Variants in CAPN13 observed in about 807,000 individuals in gnomAD.
The protein encoded by CAPN13 is calpain 13.
CAPN13 carries 90 observed loss-of-function variants against 98.4 expected under a neutral mutation model. The observed-to-expected ratio is 0.92, with a 90% CI of 0.77 to 1.09. The LOEUF (loss-of-function observed/expected upper bound fraction) is 1.09. Ranked by LOEUF, CAPN13 falls within the 50% of genes least tolerant of loss-of-function variation. The probability of loss-of-function intolerance (pLI) is 0.00; values close to 1 mark genes in which losing one functional copy is unlikely to be tolerated. For synonymous variants in CAPN13, 330 were observed against 305.5 expected (o/e 1.08, Z -0.84); for missense variants, 887 against 841.3 (o/e 1.05, Z -0.67).
intron 11 of CAPN13, among the ~76,000 whole-genome samples, chr2:30,749,915 G>T (rs1385823495): frequency 1.3e-5 from 2 of 152,002 alleles, no homozygotes; most frequent in African/African-American, 4.8e-5. Flanking sequence ...TCTTTTAAAT[G>T]ATATTTAAAA....
chr2:30,745,627 A>T, intron 12 of CAPN13, 96 bp downstream of exon 12: 1 of 1,259,350 alleles, frequency 7.9e-7, no homozygotes, highest in Non-Finnish European at 1.1e-6. Flanking sequence ...ATTTGCAGCC[A>T]CTGAACACGT....
chr2:30,804,525 G>A (rs552390735), intron 1 of CAPN13, among the ~76,000 whole-genome samples: 6 of 152,258 alleles, frequency 3.9e-5, no homozygotes, highest in East Asian at 1.9e-4. Flanking sequence ...ATAACTCTCT[G>A]AGGAGGGAAG....
chr2:30,728,021 C>T (rs968505007), intron 22 of CAPN13, among the ~76,000 whole-genome samples: 5 of 151,810 alleles, frequency 3.3e-5, no homozygotes, highest in African/African-American at 1.2e-4. Context: ...TGAATCCTGA[C>T]AGCATTACGC....
Position 30,790,078 on chromosome 2 carries a change from G to A in CAPN13, c.-32-2721C>T, listed in dbSNP as rs139173298. On this transcript the variant is annotated intron_variant, in intron 1 of 22. Coordinates refer to ENST00000295055, the MANE Select transcript of CAPN13 (RefSeq NM_144575.3). ...AAGCAGGCAGGGGAAGCTTGTTCCC[G>A]CCTCCACACACATAGTTCTTTCCTC... Among the ~76,000 whole-genome samples, 733 of 152,320 alleles carry A rather than the reference G, an allele frequency of 4.8e-3. 9 individuals carry two copies. The highest frequency in any genetic ancestry group is 0.016 in the African/African-American group (660 of 41,584).
chr2:30,791,938 A>AATT (rs1028408880), intron 1 of CAPN13, among the ~76,000 whole-genome samples: 2 of 152,174 alleles, frequency 1.3e-5, no homozygotes, highest in African/African-American at 4.8e-5. Context: ...AAATCACCTA[A>AATT]ATTACATCTG....
chr2:30,751,264 G>A lies in CAPN13; in HGVS notation c.1088-13C>T, dbSNP rs773454832. On this transcript the variant is annotated splice_polypyrimidine_tract_variant and intron_variant, in intron 10 of 22. Coordinates refer to ENST00000295055, the MANE Select transcript of CAPN13 (RefSeq NM_144575.3). ...TTCCGAGGTCCTCCTGCATCAGAAAGAGCTGTTACTAGAGCTCAGCTCCAC... is the reference window on the plus strand; with the variant it reads ...TTCCGAGGTCCTCCTGCATCAGAAAAAGCTGTTACTAGAGCTCAGCTCCAC... 6.2e-7 allele frequency: 1 copy of A among 1,613,322 alleles called. No homozygotes were observed. Among genetic ancestry groups the A allele is most frequent in the East Asian group, 2.2e-5 (1 of 44,882 alleles).
chr2:30,802,630 G>A (rs1675358656), intron 1 of CAPN13, among the ~76,000 whole-genome samples: 2 of 151,834 alleles, frequency 1.3e-5, no homozygotes, highest in African/African-American at 4.8e-5. Flanking sequence ...AACGGGGAGA[G>A]CCAGAGCTTC....
intron 10 of CAPN13, among the ~76,000 whole-genome samples, 170 bp downstream of exon 10, chr2:30,752,883 A>G (rs1672247154): frequency 6.6e-6 from 1 of 152,146 alleles, no homozygotes; most frequent in South Asian, 2.1e-4. Context: ...TACAGCAATC[A>G]TTTTACTTAG....
intron 4 of CAPN13, among the ~76,000 whole-genome samples, chr2:30,773,652 G>T (rs1673525255): frequency 6.6e-6 from 1 of 152,148 alleles, no homozygotes; most frequent in Non-Finnish European, 1.5e-5. Flanking sequence ...TAAGAAAATA[G>T]CAAGATCGTA....
At chr2:30,732,169 C>T (rs72783014) in intron 20 of CAPN13, among the ~76,000 whole-genome samples, 1,540 of 152,158 alleles carry the variant, frequency 0.01, 12 homozygotes, top group Non-Finnish European at 0.015. Flanking sequence ...AACCTGGAGA[C>T]GGGGACAGCG....
In CAPN13 at chr2:30,800,777, T is replaced by G. The variant is rs35056100; in HGVS notation, c.-33+6525A>C. On this transcript the variant is annotated intron_variant, in intron 1 of 22. Coordinates refer to ENST00000295055, the MANE Select transcript of CAPN13 (RefSeq NM_144575.3). The stretch of plus-strand genomic sequence containing the variant: ...CACAAAAAAGAAACTTGTCTTTGCA[T>G]GGAAATCTCCTTTCCCCTCCCTAGA... Among the ~76,000 whole-genome samples the G allele has an allele frequency of 7.5e-3, 1,144 of 152,322 alleles. 6 individuals are homozygous for G. Among genetic ancestry groups the G allele is most frequent in the Non-Finnish European group, 0.012 (791 of 68,028 alleles).
intron 15 of CAPN13, 91 bp from the exon 16 acceptor site, chr2:30,738,548 C>T (rs1671495751): frequency 7.4e-7 from 1 of 1,354,364 alleles, no homozygotes; most frequent in African/African-American, 1.4e-5. Context: ...CTCAGATTTC[C>T]AAGCACTTAG....
chr2:30,759,209 C>A (rs1672691802), intron 7 of CAPN13, among the ~76,000 whole-genome samples: 1 of 149,944 alleles, frequency 6.7e-6, no homozygotes, highest in South Asian at 2.1e-4. Flanking sequence ...CTTCTTTACC[C>A]CCTGCCTTCC....
Position 30,754,309 on chromosome 2 carries a change from G to A in CAPN13, c.922C>T (p.Arg308Trp), listed in dbSNP as rs538889974. 4.2e-5 allele frequency: 68 copies of A among 1,606,330 alleles called. No individual in the cohort carries two copies. The highest frequency in any genetic ancestry group is 2.0e-4 in the East Asian group (9 of 44,464). The change falls in exon 9 of 23, where the codon CGG becomes TGG. Residue 308 changes from arginine (R) to tryptophan (W), a missense_variant. Physicochemically the swap from Arg to Trp is moderately radical, Grantham distance 101 (BLOSUM62 -3). Coordinates refer to ENST00000295055, the MANE Select transcript of CAPN13 (RefSeq NM_144575.3). ...DPRKSQLHKK[R>W]EDGEFWMSCQ... ...AAATACCAAAACTCGCCATCTTCCC[G>A]TTTCTTATGTAGCTGGCTTTTCCGC...
In CAPN13 at chr2:30,753,115, G is replaced by A. The variant is rs759849852; in HGVS notation, c.1025C>T (p.Thr342Ile). 5.6e-6 allele frequency: 9 copies of A among 1,613,972 alleles called. No individual in the cohort carries two copies. The South Asian group carries it at 9.9e-5, about 18-fold the overall frequency. The stretch of plus-strand genomic sequence containing the variant: ...TATTTGGGACCATCCTTCGTGGAGT[G>A]TGTTTCCATGGTCCAGGGTAATTGG... ...EIPITLDHGNTLHEGWSQIMF... is the reference protein window; with the variant it reads ...EIPITLDHGNILHEGWSQIMF... Residue 342 changes from threonine (T) to isoleucine (I), a missense_variant, in exon 10 of 23, where the codon ACA becomes ATA. By Grantham distance (89) the Thr-to-Ile change is moderately conservative. Coordinates refer to ENST00000295055, the MANE Select transcript of CAPN13 (RefSeq NM_144575.3).
chr2:30,736,641 G>T, intron 17 of CAPN13, 70 bp from the exon 18 acceptor site: 1 of 1,376,372 alleles, frequency 7.3e-7, no homozygotes, highest in Non-Finnish European at 1.0e-6. Context: ...TGCCAACAAA[G>T]CCAGAGCAGG....
chr2:30,726,185 A>G (rs1290880734), intron 22 of CAPN13, among the ~76,000 whole-genome samples: 1 of 152,258 alleles, frequency 6.6e-6, no homozygotes, highest in Non-Finnish European at 1.5e-5. Context: ...ACTGACATCA[A>G]GCAAGTAATG....
intron 11 of CAPN13, among the ~76,000 whole-genome samples, chr2:30,750,574 C>T (rs1185600658): frequency 6.6e-6 from 1 of 152,080 alleles, no homozygotes; most frequent in Non-Finnish European, 1.5e-5. Context: ...CGACTTTGGT[C>T]TAAACGTAAG....
Position 30,753,107 on chromosome 2 carries a change from C to T in CAPN13, c.1033G>A (p.Glu345Lys), listed in dbSNP as rs542792832. The part of the protein sequence containing the change: ...ITLDHGNTLH[E>K]GWSQIMFRKQ... ...CTAAACATTATTTGGGACCATCCTT[C>T]GTGGAGTGTGTTTCCATGGTCCAGG... The change falls in exon 10 of 23, where the codon GAA (glutamate) becomes AAA (lysine). Residue 345 changes from glutamate to lysine, a missense_variant. By Grantham distance (56) the Glu-to-Lys change is moderately conservative (BLOSUM62 1). Transcript: ENST00000295055. 28 of 1,613,988 alleles carry T rather than the reference C, an allele frequency of 1.7e-5. No homozygotes were observed. The highest frequency in any genetic ancestry group is 6.6e-5 in the South Asian group (6 of 91,074).
Sources: gnomAD v4.1 joint callset for allele counts (sites outside exome capture counted in the v4.1 genomes callset) on GRCh38, gnomAD v4.1.1 for gene constraint, MANE v1.5 for transcripts, NCBI Gene and HGNC (gene_info 2026-07-23, HGNC 2026-07-21) for gene names.